The following SEC16B variants were observed in gnomAD, a reference collection of about 807,000 sequenced individuals.
The protein encoded by SEC16B is protein transport protein Sec16B.
Under a neutral mutation model 141.8 loss-of-function variants are expected in SEC16B, and 115 were observed. The observed-to-expected ratio is 0.81, with a 90% CI of 0.70 to 0.95. The LOEUF (loss-of-function observed/expected upper bound fraction) is 0.95, where lower values mean the gene tolerates loss of function less well. Ranked by LOEUF, SEC16B falls within the 40% of genes least tolerant of loss-of-function variation. SEC16B has a pLI of 0.00. For missense variants in SEC16B, 1,291 were observed against 1,312.3 expected, an observed-to-expected ratio of 0.98 and a Z score of 0.25; for synonymous variants, 493 against 492.5, an observed-to-expected ratio of 1.00 and a Z score of -0.01.
intron 10 of SEC16B, 32 bp downstream of exon 10, chr1:177,958,100 T>C (rs750943117): frequency 1.4e-6 from 2 of 1,419,312 alleles, no homozygotes; most frequent in Admixed American, 2.6e-5. Flanking sequence ...GATTGCTTTT[T>C]CAAAATAAGT....
At chr1:177,939,388 A>G (rs560449823) in intron 18 of SEC16B, among the ~76,000 whole-genome samples, 1 of 152,254 alleles carries the variant, frequency 6.6e-6, no homozygotes, top group Non-Finnish European at 1.5e-5. Flanking sequence ...CAAGAAATGT[A>G]TCCAGCTGGA....
In SEC16B at chr1:177,929,895, C is replaced by T. The variant is rs200687326; in HGVS notation, c.3146G>A (p.Arg1049His). ...GGTGGGATAGCGACGCTGAGCTAGG[C>T]GATTTGGCCGATTCAGGCTAGTGGC... ...PTATSLNRPN[R>H]LAQRRYPTQP... is the part of the protein sequence containing the mutation. Residue 1049 changes from arginine (R) to histidine (H), a missense_variant, in exon 26 of 26, where the codon CGC becomes CAC. This residue lies in a region of SEC16B where 605 missense variants were observed against 614.1 expected (regional missense o/e 0.99). Coordinates refer to ENST00000308284, the MANE Select transcript of SEC16B (RefSeq NM_033127.4). 104 of 1,613,644 alleles carry T rather than the reference C, an allele frequency of 6.4e-5. 1 individual carries two copies. The highest frequency in any genetic ancestry group is 8.2e-5 in the Non-Finnish European group (97 of 1,179,840).
intron 1 of SEC16B, 134 bp from the exon 2 acceptor site, chr1:177,968,173 A>G: frequency 2.0e-6 from 1 of 502,628 alleles, no homozygotes; most frequent in South Asian, 4.9e-5. Flanking sequence ...TCACGGATAC[A>G]GAGAAATCTG....
chr1:177,951,946 G>C lies in SEC16B; in HGVS notation c.1513C>G (p.Leu505Val). Residue 505 changes from leucine to valine, a missense_variant, in exon 12 of 26, where the codon CTC becomes GTC. Leu to Val is a conservative substitution (Grantham distance 32). Coordinates refer to ENST00000308284, the MANE Select transcript of SEC16B (RefSeq NM_033127.4). ...GCCTGTGGAATCCTCCCCGACATGA[G>C]CTGGAAGAGGGTCTGCAGTGGGTCA... ...LNDPLQTLFQ[L>V]MSGRIPQAAT... 2 of 1,607,470 alleles carry C rather than the reference G, an allele frequency of 1.2e-6. No homozygotes were observed. The highest frequency in any genetic ancestry group is 1.7e-6 in the Non-Finnish European group (2 of 1,177,328).
rs1652427310 is a variant in SEC16B, at chr1:177,954,284, C to T, written c.1458G>A (p.Met486Ile). The change falls in exon 11 of 26, where the codon ATG (methionine) becomes ATA (isoleucine). Residue 486 changes from methionine to isoleucine, a missense_variant. Met to Ile is a conservative substitution (Grantham distance 10). Coordinates refer to ENST00000308284, the MANE Select transcript of SEC16B (RefSeq NM_033127.4). ...TTTGTTAAGTCCTGACTCACCCACT[C>T]ATGACCCAGCTGTAGGTCTGTGGGT... is the stretch of plus-strand genomic sequence containing the variant. ...KMDPQTYSWV[M>I]SGFTSTLALN... The T allele has an allele frequency of 2.6e-6, 4 of 1,563,114 alleles. No homozygotes were observed. The highest frequency in any genetic ancestry group is 2.4e-5 in the South Asian group (2 of 84,650).
At position 177,933,987 on chromosome 1, in the gene SEC16B, G is replaced by GC. The variant is rs200989084; in HGVS notation, c.2572-352dup. On this transcript the variant is annotated intron_variant, in intron 20 of 25. Coordinates refer to ENST00000308284, the MANE Select transcript of SEC16B (RefSeq NM_033127.4). ...GAAAACAACCCACAGAGGCCCACAA[G>GC]CTCCCCCCAAAAAAAAAAAAACAGA... 3.2e-3 allele frequency among the ~76,000 whole-genome samples: 458 copies of GC among 144,782 alleles called. 2 individuals are homozygous for GC. Among genetic ancestry groups the GC allele is most frequent in the African/African-American group, 9.3e-3 (359 of 38,774 alleles). The allele number at this position is 144,782 out of a possible 152,430, so 95.0% of individuals were successfully genotyped here. A position where few individuals can be genotyped will look rare whatever the true frequency, so the allele number is the denominator to read the frequency against.
intron 1 of SEC16B, among the ~76,000 whole-genome samples, chr1:177,982,263 T>C (rs1654449971): frequency 2.0e-5 from 3 of 152,176 alleles, no homozygotes; most frequent in African/African-American, 7.2e-5. Context: ...TGGTGTATTA[T>C]AAAATGGGAG....
intron 8 of SEC16B, 101 bp from the exon 9 acceptor site, chr1:177,959,076 G>T: frequency 1.6e-6 from 2 of 1,248,226 alleles, no homozygotes; most frequent in South Asian, 1.3e-5. Context: ...GCTGGGCTGT[G>T]ATTGAGATAG....
Position 177,967,686 on chromosome 1 carries a change from G to A in SEC16B, c.296C>T (p.Ser99Leu), listed in dbSNP as rs1306533130. 6 of 1,593,948 alleles carry A rather than the reference G, an allele frequency of 3.8e-6. No homozygotes were observed. Among genetic ancestry groups the A allele is most frequent in the East Asian group, 2.2e-5 (1 of 44,554 alleles). The change falls in exon 2 of 26, where the codon TCA becomes TTA. Residue 99 changes from serine to leucine, a missense_variant. Ser to Leu is a moderately radical substitution (Grantham distance 145, BLOSUM62 -2). Coordinates refer to ENST00000308284, the MANE Select transcript of SEC16B (RefSeq NM_033127.4). ...ATTCCAAGCCCTAAAGCCATACCTT[G>A]AATACAACTGATTGCGATAACCACC... ...YEGGYRNQLYSRPGYENSYQS... is the reference protein window; with the variant it reads ...YEGGYRNQLYLRPGYENSYQS...
chr1:177,979,483 G>A (rs1030322202), intron 1 of SEC16B, among the ~76,000 whole-genome samples: 1 of 152,216 alleles, frequency 6.6e-6, no homozygotes, highest in African/African-American at 2.4e-5. Context: ...ATGAGTGGCT[G>A]CAAATATAGC....
At chr1:177,951,200 A>G (rs1652169450) in intron 12 of SEC16B, among the ~76,000 whole-genome samples, 1 of 152,256 alleles carries the variant, frequency 6.6e-6, no homozygotes, top group South Asian at 2.1e-4. Flanking sequence ...ATTGAAGGAT[A>G]TAATCCAAGA....
chr1:177,965,926 G>T lies in SEC16B; in HGVS notation c.379C>A (p.His127Asn). 6.3e-7 allele frequency: 1 copy of T among 1,597,274 alleles called. No homozygotes were observed. The highest frequency in any genetic ancestry group is 2.2e-5 in the East Asian group (1 of 44,494). The part of the protein sequence containing the change: ...EEYAYGSYYY[H>N]GHPQWLQEER... ...TCCTGCAGCCACTGTGGGTGTCCAT[G>T]ATAGTAATAACTTCCATAAGCATAT... is the stretch of plus-strand genomic sequence containing the variant. The change falls in exon 3 of 26, where the codon CAT becomes AAT. Residue 127 changes from histidine (H) to asparagine (N), a missense_variant. Physicochemically the swap from His to Asn is moderately conservative, Grantham distance 68. This residue lies in a region of SEC16B where 681 missense variants were observed against 675.5 expected (regional missense o/e 1.01). Coordinates refer to ENST00000308284, the MANE Select transcript of SEC16B (RefSeq NM_033127.4).
rs761617558 is a variant in SEC16B, at chr1:177,932,505, G to A, written c.2997C>T (p.Gly999=). ...GGCCGCTTACCTCTGGTCCAGACAA[G>A]CCTCCAACCCCAGCGCCCGCAGCTG... ...GGAAAGAGVG[G]LSGPESVSFE... Residue 999 remains glycine (G), a synonymous_variant, in exon 24 of 26, where the codon GGC becomes GGT. Coordinates refer to ENST00000308284, the MANE Select transcript of SEC16B (RefSeq NM_033127.4). The A allele has an allele frequency of 6.5e-6, 10 of 1,547,476 alleles. No homozygotes were observed. The East Asian group carries it at 1.2e-4, about 19-fold the overall frequency.
intron 1 of SEC16B, among the ~76,000 whole-genome samples, chr1:177,982,332 C>T (rs974031914): frequency 6.6e-5 from 10 of 152,070 alleles, no homozygotes; most frequent in Non-Finnish European, 1.2e-4. Context: ...AAGACACAGG[C>T]AGAATAAAGG....
chr1:177,970,275 T>G (rs1257811532), upstream of SEC16B: 2 of 152,232 alleles, frequency 1.3e-5, no homozygotes, highest in African/African-American at 4.8e-5. Flanking sequence ...CAGCCTGGTC[T>G]GGCGAGAAAA....
At chr1:177,945,784 CTT>C (rs1651654620) in intron 14 of SEC16B, 1 of 153,402 alleles carries the variant, frequency 6.5e-6, no homozygotes, top group Non-Finnish European at 1.4e-5. Context: ...CTTAGTGACT[CTT>C]AACACGTATG....
chr1:177,961,003 G>T, intron 6 of SEC16B, 64 bp from the exon 7 acceptor site: 1 of 1,563,552 alleles, frequency 6.4e-7, no homozygotes, highest in East Asian at 2.3e-5. Context: ...CTTTAGTTTA[G>T]GAATATGCCA....
chr1:177,963,124 A>G (rs1653213580), intron 5 of SEC16B, among the ~76,000 whole-genome samples: 1 of 151,444 alleles, frequency 6.6e-6, no homozygotes, highest in Admixed American at 6.6e-5. Flanking sequence ...ATAAAATAAA[A>G]TAAAAAGTAA....
chr1:177,981,490 C>T (rs563783573), intron 1 of SEC16B, among the ~76,000 whole-genome samples: 3 of 152,268 alleles, frequency 2.0e-5, no homozygotes, highest in Non-Finnish European at 4.4e-5. Flanking sequence ...AGCAAGCAGC[C>T]ATCTGTCCAC....
Sources: allele counts gnomAD v4.1 joint callset (sites outside exome capture counted in the v4.1 genomes callset), GRCh38; gene constraint gnomAD v4.1.1; regional missense constraint gnomAD v4.1.1; transcripts MANE v1.5; gene names NCBI Gene and HGNC (gene_info 2026-07-23, HGNC 2026-07-21).